The following USP44 variants were observed in gnomAD, a reference collection of about 807,000 sequenced individuals.
USP44 encodes ubiquitin carboxyl-terminal hydrolase 44.
In USP44, 61 loss-of-function variants were observed where a neutral mutation model predicts 69.0. The ratio of observed to expected loss-of-function variants is 0.88; its 90% CI spans 0.72 to 1.09. The LOEUF (loss-of-function observed/expected upper bound fraction) is 1.09, where lower values mean the gene tolerates loss of function less well. Among genes scored for constraint, USP44 ranks in the 50% least tolerant of loss-of-function variants. The pLI is 0.00. For missense variants in USP44, 753 were observed against 849.9 expected (o/e 0.89, Z 1.42); for synonymous variants, 297 against 295.4 (o/e 1.01, Z -0.06).
rs1365373533 is a variant in USP44 at position 95,548,686 on chromosome 12, C to A, written c.-71+2586G>T. The A allele has an allele frequency of 6.6e-6, 1 of 152,178 alleles. No individual in the cohort carries two copies. Among genetic ancestry groups the A allele is most frequent in the Non-Finnish European group, 1.5e-5 (1 of 68,114 alleles). 9.4% of individuals were successfully genotyped at this position (152,178 alleles called of 1,614,324 possible). A position where few individuals can be genotyped will look rare whatever the true frequency, so the allele number is the denominator to read the frequency against. On this transcript the variant is annotated intron_variant, in intron 1 of 5. Transcript: ENST00000258499. The surrounding 1 kb of genome is among the most constrained non-coding windows in gnomAD (Gnocchi z 4.1). The stretch of plus-strand genomic sequence containing the variant: ...AATAGGCCCCCAGGTGCCTCCCGGC[C>A]CCGGGGGCTGCCGTCGCACGTCCGC...
At position 95,533,879 on chromosome 12, in the gene USP44, A is replaced by G; in HGVS notation, c.378T>C (p.Gly126=). 6.2e-7 allele frequency: 1 copy of G among 1,614,120 alleles called. No individual in the cohort carries two copies. Among genetic ancestry groups the G allele is most frequent in the Non-Finnish European group, 8.5e-7 (1 of 1,180,014 alleles). The change falls in exon 2 of 6, where the codon GGT becomes GGC. Residue 126 remains glycine, a synonymous_variant. Coordinates refer to ENST00000258499, the MANE Select transcript of USP44 (RefSeq NM_032147.5). Reference sequence around the variant, plus strand: ...CGTCATGTAAGAAATAAGAATCATCACCTGTACCCATGGACCGTAAAAACC... The same window carrying G: ...CGTCATGTAAGAAATAAGAATCATCGCCTGTACCCATGGACCGTAAAAACC... ...SGRFLRSMGT[G]DDSYFLHDGA...
Position 95,548,275 on chromosome 12 carries a change from G to C in USP44, c.-71+2997C>G, listed in dbSNP as rs1220684101. The stretch of plus-strand genomic sequence containing the variant: ...TCGAGCATCACCTCGCGGTAATCCG[G>C]GAGGGTGGAGGGATGCGGCTGGACC... On this transcript the variant is annotated intron_variant, in intron 1 of 5. Coordinates refer to ENST00000258499, the MANE Select transcript of USP44 (RefSeq NM_032147.5). This position sits in a 1 kb window ranked among gnomAD's most constrained non-coding sequence, Gnocchi z 4.1. 3 of 152,156 alleles carry C rather than the reference G, an allele frequency of 2.0e-5. No homozygotes were observed. Among genetic ancestry groups the C allele is most frequent in the Non-Finnish European group, 4.4e-5 (3 of 68,060 alleles). The allele number at this position is 152,156 out of a possible 1,614,324, so 9.4% of individuals were successfully genotyped here. A position where few individuals can be genotyped will look rare whatever the true frequency, so the allele number is the denominator to read the frequency against.
At chr12:95,525,871 CTCATGTGGGAA>C (rs2076817908) in intron 3 of USP44, among the ~76,000 whole-genome samples, 1 of 152,234 alleles carries the variant, frequency 6.6e-6, no homozygotes, top group Admixed American at 6.5e-5. Context: ...GCAGCTGCTT[CTCATGTGGGAA>C]GCAGGCTCAG....
At chr12:95,542,605 T>C (rs1565838018) in intron 1 of USP44, among the ~76,000 whole-genome samples, 1 of 151,068 alleles carries the variant, frequency 6.6e-6, no homozygotes, top group African/African-American at 2.4e-5. Context: ...CTACTAAAAA[T>C]ACAAAAATTA....
chr12:95,530,702 A>G (rs2076992296), intron 2 of USP44, among the ~76,000 whole-genome samples: 2 of 149,004 alleles, frequency 1.3e-5, no homozygotes, highest in Non-Finnish European at 3.0e-5. Context: ...TATAAAAGAA[A>G]AACACTTTCT....
chr12:95,533,910 C>T lies in USP44; in HGVS notation c.347G>A (p.Ser116Asn). The change falls in exon 2 of 6, where the codon AGT becomes AAT. Residue 116 changes from serine (S) to asparagine (N), a missense_variant. Ser to Asn is a conservative substitution (Grantham distance 46). Transcript: ENST00000258499. ...KSQNYHCTTR[S>N]GRFLRSMGTG... ...ACCCATGGACCGTAAAAACCTCCCA[C>T]TACGAGTTGTGCAGTGATAATTTTG... 1 of 1,614,204 alleles carries T rather than the reference C, an allele frequency of 6.2e-7. No individual in the cohort carries two copies. Among genetic ancestry groups the T allele is most frequent in the Non-Finnish European group, 8.5e-7 (1 of 1,180,032 alleles).
At chr12:95,545,781 A>C (rs2077549824) in intron 1 of USP44, among the ~76,000 whole-genome samples, 1 of 152,150 alleles carries the variant, frequency 6.6e-6, no homozygotes, top group Non-Finnish European at 1.5e-5. Flanking sequence ...ACTCCCTCTT[A>C]GGTATGCTAT....
At chr12:95,518,874 G>C (rs2076559283) in intron 5 of USP44, among the ~76,000 whole-genome samples, 1 of 152,102 alleles carries the variant, frequency 6.6e-6, no homozygotes. Flanking sequence ...GGGAGGCAGA[G>C]GTTGCAGTGA....
rs377557875 is a variant in USP44 at position 95,533,066 on chromosome 12, C to T, written c.1191G>A (p.Trp397Ter). The T allele has an allele frequency of 4.3e-5, 69 of 1,614,022 alleles. No individual in the cohort carries two copies. Among genetic ancestry groups the T allele is most frequent in the Non-Finnish European group, 5.5e-5 (65 of 1,180,030 alleles). The change falls in exon 2 of 6, where the codon TGG (tryptophan) becomes TGA (stop). Residue 397 changes from tryptophan to a stop codon, truncating the protein, a stop_gained. Transcript: ENST00000258499. LOFTEE classifies it high-confidence loss of function. ...GCATAGCAAATGGTGAGACCAACGCCCACTTTCCAGACCACATGACTTGGA... is the reference window on the plus strand; with the variant it reads ...GCATAGCAAATGGTGAGACCAACGCTCACTTTCCAGACCACATGACTTGGA... The part of the protein sequence containing the change: ...TLFQVMWSGK[W>*]ALVSPFAMLH...
chr12:95,544,089 C>T (rs1174994533), intron 1 of USP44, among the ~76,000 whole-genome samples: 1 of 116,806 alleles, frequency 8.6e-6, no homozygotes, highest in Non-Finnish European at 1.7e-5. Context: ...GAGTCTCGCT[C>T]TGTCGCCCAG....
In USP44 at chr12:95,533,012, G is replaced by A. The variant is rs749023575; in HGVS notation, c.1245C>T (p.Ala415=). The change falls in exon 2 of 6, where the codon GCC becomes GCT. Residue 415 remains alanine, a synonymous_variant. Transcript: ENST00000258499. ...CGTCTTGTTGGGCGTAACCACGAAAGGCAGGAATGAGTCTCCACACTGAGT... is the reference window on the plus strand; with the variant it reads ...CGTCTTGTTGGGCGTAACCACGAAAAGCAGGAATGAGTCTCCACACTGAGT... ...MLHSVWRLIP[A]FRGYAQQDAQ... 8.1e-6 allele frequency: 13 copies of A among 1,614,072 alleles called. No homozygotes were observed. The East Asian group carries it at 2.9e-4, about 36-fold the overall frequency.
chr12:95,541,394 C>G (rs1174834371), intron 1 of USP44, among the ~76,000 whole-genome samples: 1 of 152,102 alleles, frequency 6.6e-6, no homozygotes, highest in Non-Finnish European at 1.5e-5. Context: ...AGTTCAAGAG[C>G]AGCCTGCGCA....
At chr12:95,537,403 C>T (rs1470989588) in intron 1 of USP44, among the ~76,000 whole-genome samples, 1 of 152,146 alleles carries the variant, frequency 6.6e-6, no homozygotes, top group African/African-American at 2.4e-5. Flanking sequence ...ACTGCAACCT[C>T]CACCTCCTGG....
chr12:95,530,864 C>T (rs1049490431), intron 2 of USP44, among the ~76,000 whole-genome samples: 3 of 152,046 alleles, frequency 2.0e-5, no homozygotes, highest in Non-Finnish European at 4.4e-5. Flanking sequence ...GGTTAAGTTA[C>T]GGTATAAACA....
chr12:95,518,288 G>C lies in USP44; in HGVS notation c.2005C>G (p.Gln669Glu), dbSNP rs192843435. 6.2e-7 allele frequency: 1 copy of C among 1,614,166 alleles called. No individual in the cohort carries two copies. Among genetic ancestry groups the C allele is most frequent in the East Asian group, 2.2e-5 (1 of 44,866 alleles). Residue 669 changes from glutamine to glutamate, a missense_variant, in exon 6 of 6, where the codon CAA becomes GAA. Gln to Glu is a conservative substitution (Grantham distance 29). Coordinates refer to ENST00000258499, the MANE Select transcript of USP44 (RefSeq NM_032147.5). ...MCTMDEVCKA[Q>E]AYILFYTQRV... ...TGGGTATAAAACAAGATATAAGCTT[G>C]AGCCTTGCATACTTCATCCATAGTG...
chr12:95,531,549 A>G (rs1224193230), intron 2 of USP44, among the ~76,000 whole-genome samples: 2 of 152,208 alleles, frequency 1.3e-5, no homozygotes, highest in Non-Finnish European at 2.9e-5. Flanking sequence ...ACTTTTGCAT[A>G]AAAAGGAAAT....
chr12:95,518,291 C>A lies in USP44; in HGVS notation c.2002G>T (p.Ala668Ser). ...GTATAAAACAAGATATAAGCTTGAG[C>A]CTTGCATACTTCATCCATAGTGCAC... Reference protein sequence around the residue: ...SMCTMDEVCKAQAYILFYTQR... With the variant: ...SMCTMDEVCKSQAYILFYTQR... Residue 668 changes from alanine to serine, a missense_variant, in exon 6 of 6, where the codon GCT becomes TCT. Transcript: ENST00000258499. The A allele has an allele frequency of 6.2e-7, 1 of 1,614,130 alleles. No homozygotes were observed. The highest frequency in any genetic ancestry group is 8.5e-7 in the Non-Finnish European group (1 of 1,180,028).
chr12:95,534,215 C>T lies in USP44; in HGVS notation c.42G>A (p.Gln14=). ...TGAGGCTGGAATGGTCTTGAGCAAG[C>T]TGCAGCTGCCCAACATGTTTGCACG... ...MDTCKHVGQL[Q]LAQDHSSLNP... is the part of the protein sequence containing the mutation. The change falls in exon 2 of 6, where the codon CAG becomes CAA. Residue 14 remains glutamine (Q), a synonymous_variant. Transcript: ENST00000258499. 6.2e-7 allele frequency: 1 copy of T among 1,613,838 alleles called. No homozygotes were observed. The highest frequency in any genetic ancestry group is 2.2e-5 in the East Asian group (1 of 44,882).
chr12:95,530,060 T>C (rs559388121), intron 2 of USP44, among the ~76,000 whole-genome samples: 11 of 152,278 alleles, frequency 7.2e-5, no homozygotes, highest in Non-Finnish European at 1.6e-4. Flanking sequence ...CAACAAACAC[T>C]GCACATAATT....
Sources: allele counts gnomAD v4.1 joint callset (sites outside exome capture counted in the v4.1 genomes callset), GRCh38; gene constraint gnomAD v4.1.1; non-coding constraint Gnocchi (gnomAD v3.1); transcripts MANE v1.5; gene names NCBI Gene and HGNC (gene_info 2026-07-23, HGNC 2026-07-21).